The following MRPL35 variants were observed in gnomAD, a reference collection of about 807,000 sequenced individuals.
MRPL35 encodes mitochondrial ribosomal protein L35.
MRPL35 carries 18 observed loss-of-function variants against 21.6 expected under a neutral mutation model. That is an observed-to-expected ratio of 0.83 (90% CI 0.58 to 1.24). The LOEUF (loss-of-function observed/expected upper bound fraction) is 1.24, where lower values mean the gene tolerates loss of function less well. Ranked by LOEUF, MRPL35 falls within the 50% of genes most tolerant of loss-of-function variation. The probability of loss-of-function intolerance (pLI) is 0.00; values close to 1 mark genes in which losing one functional copy is unlikely to be tolerated. For synonymous variants in MRPL35, 87 were observed against 86.9 expected (o/e 1.00, Z -0.01); for missense variants, 223 against 223.2 (o/e 1.00, Z 0.01).
In MRPL35 at chr2:86,206,279, T is replaced by C; in HGVS notation, c.217T>C (p.Ser73Pro). Residue 73 changes from serine (S) to proline (P), a missense_variant, in exon 2 of 4, where the codon TCA becomes CCA. By Grantham distance (74) the Ser-to-Pro change is moderately conservative (BLOSUM62 -1). Coordinates refer to ENST00000337109, the MANE Select transcript of MRPL35 (RefSeq NM_016622.4). ...GAGAAACCTGACATGTGGGCATACCTCAGTGATCCTTAATAGGTAGAGTAT... is the reference window on the plus strand; with the variant it reads ...GAGAAACCTGACATGTGGGCATACCCCAGTGATCCTTAATAGGTAGAGTAT... ...SERNLTCGHT[S>P]VILNRMAPVL... The C allele has an allele frequency of 1.2e-6, 2 of 1,612,772 alleles. No individual in the cohort carries two copies. Among genetic ancestry groups the C allele is most frequent in the Non-Finnish European group, 1.7e-6 (2 of 1,179,178 alleles).
Position 86,199,616 on chromosome 2 carries a change from G to A in MRPL35, c.43+83G>A, listed in dbSNP as rs372793323. On this transcript the variant is annotated intron_variant, in intron 1 of 3. Coordinates refer to ENST00000337109, the MANE Select transcript of MRPL35 (RefSeq NM_016622.4). ...GATGGAATGGGCGTTTAGACTGGAG[G>A]TTAACAAGCAAAAAGGGTCATTATT... 4.6e-6 allele frequency: 7 copies of A among 1,529,234 alleles called. No individual in the cohort carries two copies. In the African/African-American group the frequency reaches 5.5e-5, roughly 12 times the overall value. The allele number at this position is 1,529,234 out of a possible 1,614,324, so 94.7% of individuals were successfully genotyped here. A position where few individuals can be genotyped will look rare whatever the true frequency, so the allele number is the denominator to read the frequency against.
Position 86,206,267 on chromosome 2 carries a change from T to C in MRPL35, c.205T>C (p.Cys69Arg), listed in dbSNP as rs774080357. Residue 69 changes from cysteine (C) to arginine (R), a missense_variant, in exon 2 of 4, where the codon TGT becomes CGT. Cys to Arg is a radical substitution (Grantham distance 180, BLOSUM62 -3). Coordinates refer to ENST00000337109, the MANE Select transcript of MRPL35 (RefSeq NM_016622.4). ...RLTTSERNLT[C>R]GHTSVILNRM... ...TACCACATCTGAGAGAAACCTGACA[T>C]GTGGGCATACCTCAGTGATCCTTAA... 5.6e-6 allele frequency: 9 copies of C among 1,613,724 alleles called. No homozygotes were observed. Among genetic ancestry groups the C allele is most frequent in the Middle Eastern group, 1.7e-4 (1 of 6,056 alleles).
chr2:86,201,345 T>C (rs1018949278), intron 1 of MRPL35, among the ~76,000 whole-genome samples: 17 of 152,246 alleles, frequency 1.1e-4, no homozygotes. Flanking sequence ...GAATTTCCTT[T>C]ATGAAATATC....
intron 1 of MRPL35, among the ~76,000 whole-genome samples, chr2:86,199,893 C>T (rs553695096): frequency 2.8e-4 from 42 of 152,284 alleles, no homozygotes; most frequent in African/African-American, 8.7e-4. Context: ...GAATTAATGT[C>T]TCCTAACTTA....
Position 86,213,684 on chromosome 2 carries a change from C to T in MRPL35, c.*3016C>T, listed in dbSNP as rs563658035. 2.6e-6 allele frequency: 4 copies of T among 1,549,234 alleles called. No individual in the cohort carries two copies. Among genetic ancestry groups the T allele is most frequent in the Non-Finnish European group, 3.5e-6 (4 of 1,145,822 alleles). The stretch of plus-strand genomic sequence containing the variant: ...CAGAGAAGAAAAATGATGGACCAAA[C>T]GTCTGTTTGCACAATTGAAACTCTA... On this transcript the variant is annotated 3_prime_UTR_variant, in exon 4 of 4. Transcript: ENST00000337109.
chr2:86,213,152 C>T lies in MRPL35; in HGVS notation c.*2484C>T. 3.0e-6 allele frequency: 3 copies of T among 986,580 alleles called. No individual in the cohort carries two copies. Among genetic ancestry groups the T allele is most frequent in the Non-Finnish European group, 3.6e-6 (3 of 830,668 alleles). The allele number at this position is 986,580 out of a possible 1,614,324, so 61.1% of individuals were successfully genotyped here. ...CTGTGTATTTCCCTGAGTCTTCTAACATATGAAAATTCATATCTAAATCAA... is the reference window on the plus strand; with the variant it reads ...CTGTGTATTTCCCTGAGTCTTCTAATATATGAAAATTCATATCTAAATCAA... On this transcript the variant is annotated 3_prime_UTR_variant, in exon 4 of 4. Coordinates refer to ENST00000337109, the MANE Select transcript of MRPL35 (RefSeq NM_016622.4).
At position 86,211,730 on chromosome 2, in the gene MRPL35, C is replaced by T; in HGVS notation, c.*1062C>T. 1.0e-6 allele frequency: 1 copy of T among 982,640 alleles called. No homozygotes were observed. The highest frequency in any genetic ancestry group is 1.7e-5 in the African/African-American group (1 of 57,294). 60.9% of individuals were successfully genotyped at this position (982,640 alleles called of 1,614,324 possible). On this transcript the variant is annotated 3_prime_UTR_variant, in exon 4 of 4. Coordinates refer to ENST00000337109, the MANE Select transcript of MRPL35 (RefSeq NM_016622.4). ...TTGCCCAGGCTGGAGTGCAGTGGTGCAATCATAGCTCATTGAAGCCTCGCA... is the reference window on the plus strand; with the variant it reads ...TTGCCCAGGCTGGAGTGCAGTGGTGTAATCATAGCTCATTGAAGCCTCGCA...
intron 1 of MRPL35, among the ~76,000 whole-genome samples, chr2:86,204,144 C>T (rs188862484): frequency 1.3e-3 from 205 of 152,054 alleles, no homozygotes; most frequent in African/African-American, 4.6e-3. Flanking sequence ...ACCACCACAC[C>T]CGGCTAATTT....
chr2:86,207,034 A>T, intron 2 of MRPL35, 149 bp from the exon 3 acceptor site: 1 of 725,560 alleles, frequency 1.4e-6, no homozygotes, highest in Non-Finnish European at 2.2e-6. Flanking sequence ...ATTTATGCTT[A>T]ATGTCATGGG....
chr2:86,211,364 G>C lies in MRPL35; in HGVS notation c.*696G>C, dbSNP rs1273874265. 1 of 973,690 alleles carries C rather than the reference G, an allele frequency of 1.0e-6. No individual in the cohort carries two copies. The highest frequency in any genetic ancestry group is 1.2e-6 in the Non-Finnish European group (1 of 819,358). 60.3% of individuals were successfully genotyped at this position (973,690 alleles called of 1,614,324 possible). ...TGGGCCAGACTACCTTTTTATACTA[G>C]GTCTGGTTGGGTCATTGTCTAGAGT... On this transcript the variant is annotated 3_prime_UTR_variant, in exon 4 of 4. Transcript: ENST00000337109.
intron 3 of MRPL35, among the ~76,000 whole-genome samples, chr2:86,207,617 G>A (rs1474295178): frequency 1.3e-5 from 2 of 150,882 alleles, no homozygotes; most frequent in African/African-American, 4.9e-5. Context: ...CTGGGCGACA[G>A]AGCGAGACTC....
chr2:86,213,514 TC>T lies in MRPL35; in HGVS notation c.*2848del. On this transcript the variant is annotated 3_prime_UTR_variant, in exon 4 of 4. Coordinates refer to ENST00000337109, the MANE Select transcript of MRPL35 (RefSeq NM_016622.4). ...ATTTTGATGTTTCAAATTTTGAGCT[TC>T]CAAGTCTTTGTGGCCACCCAATGAA... 1.4e-6 allele frequency: 2 copies of T among 1,412,560 alleles called. No individual in the cohort carries two copies. Among genetic ancestry groups the T allele is most frequent in the Non-Finnish European group, 1.9e-6 (2 of 1,070,298 alleles). 87.5% of individuals were successfully genotyped at this position (1,412,560 alleles called of 1,614,324 possible).
intron 3 of MRPL35, among the ~76,000 whole-genome samples, 179 bp from the exon 4 acceptor site, chr2:86,210,301 C>G (rs978654967): frequency 6.1e-4 from 88 of 144,826 alleles, no homozygotes; most frequent in African/African-American, 1.9e-3. Flanking sequence ...TTTCTCCATC[C>G]CCCTCCCCGC....
intron 1 of MRPL35, 48 bp from the exon 2 acceptor site, chr2:86,206,058 T>C (rs762667367): frequency 1.1e-5 from 16 of 1,438,932 alleles, no homozygotes; most frequent in Non-Finnish European, 1.5e-5. Flanking sequence ...TTTTAATATC[T>C]GGATGCATAT....
At chr2:86,199,602 C>T (rs115202215) in intron 1 of MRPL35, 69 bp downstream of exon 1, 2 of 1,573,774 alleles carry the variant, frequency 1.3e-6, no homozygotes, top group African/African-American at 1.4e-5. Context: ...ATGGAATGGG[C>T]GTTTAGACTG....
At position 86,213,121 on chromosome 2, in the gene MRPL35, G is replaced by C. The variant is rs1673943925; in HGVS notation, c.*2453G>C. ...ACCCAGAATCTCAGTCTCACTCCTTGGGATCCTGTGTATTTCCCTGAGTCT... is the reference window on the plus strand; with the variant it reads ...ACCCAGAATCTCAGTCTCACTCCTTCGGATCCTGTGTATTTCCCTGAGTCT... On this transcript the variant is annotated 3_prime_UTR_variant, in exon 4 of 4. Coordinates refer to ENST00000337109, the MANE Select transcript of MRPL35 (RefSeq NM_016622.4). The C allele has an allele frequency of 1.0e-5, 10 of 985,748 alleles. No individual in the cohort carries two copies. The South Asian group carries it at 2.8e-4, about 28-fold the overall frequency. 61.1% of individuals were successfully genotyped at this position (985,748 alleles called of 1,614,324 possible).
chr2:86,206,198 T>C lies in MRPL35; in HGVS notation c.136T>C (p.Phe46Leu), dbSNP rs1212530453. Reference sequence around the variant, plus strand: ...TATTTCTGCATTGTCCACTGGACGTTTTAGTCATATTCAGACACCAGTTGT... The same window carrying C: ...TATTTCTGCATTGTCCACTGGACGTCTTAGTCATATTCAGACACCAGTTGT... Reference protein sequence around the residue: ...SLISALSTGRFSHIQTPVVSS... With the variant: ...SLISALSTGRLSHIQTPVVSS... Residue 46 changes from phenylalanine to leucine, a missense_variant, in exon 2 of 4, where the codon TTT becomes CTT. Physicochemically the swap from Phe to Leu is conservative, Grantham distance 22. Coordinates refer to ENST00000337109, the MANE Select transcript of MRPL35 (RefSeq NM_016622.4). 6 of 1,613,684 alleles carry C rather than the reference T, an allele frequency of 3.7e-6. No individual in the cohort carries two copies. The South Asian group carries it at 6.6e-5, about 18-fold the overall frequency.
At chr2:86,202,089 C>G (rs1171352752) in intron 1 of MRPL35, among the ~76,000 whole-genome samples, 1 of 152,204 alleles carries the variant, frequency 6.6e-6, no homozygotes, top group Non-Finnish European at 1.5e-5. Flanking sequence ...ATGTACTGCA[C>G]TTTTGTTAAC....
intron 1 of MRPL35, among the ~76,000 whole-genome samples, chr2:86,204,280 G>A (rs1398214097): frequency 6.6e-6 from 1 of 152,012 alleles, no homozygotes; most frequent in African/African-American, 2.4e-5. Context: ...CACCATGCCT[G>A]GCTGGAGTAT....
Sources: allele counts gnomAD v4.1 joint callset (sites outside exome capture counted in the v4.1 genomes callset), GRCh38; gene constraint gnomAD v4.1.1; transcripts MANE v1.5; gene names NCBI Gene and HGNC (gene_info 2026-07-23, HGNC 2026-07-21).